PAN3: variants seen among roughly 807,000 people sequenced by gnomAD.
PAN3 encodes the protein PAN2-PAN3 deadenylation complex subunit PAN3.
Under a neutral mutation model 96.2 loss-of-function variants are expected in PAN3, and 19 were observed. The ratio of observed to expected loss-of-function variants is 0.20; its 90% confidence interval spans 0.14 to 0.29. The LOEUF is 0.29. PAN3 is among the 10% of genes least tolerant of loss of function. The pLI is 1.00. For missense variants in PAN3, 882 were observed against 1,108.1 expected, an observed-to-expected ratio of 0.80 and a Z score of 2.90; for synonymous variants, 433 against 406.6, an observed-to-expected ratio of 1.06 and a Z score of -0.78.
chr13:28,171,603 G>A (rs1434079238), intron 1 of PAN3, among the ~76,000 whole-genome samples: 1 of 152,174 alleles, frequency 6.6e-6, no homozygotes, highest in Non-Finnish European at 1.5e-5. Context: ...TGCTTGACTG[G>A]TTTATTACAA....
At chr13:28,196,207 C>CT in intron 4 of PAN3, among the ~76,000 whole-genome samples, 1 of 151,834 alleles carries the variant, frequency 6.6e-6, no homozygotes, top group Middle Eastern at 3.4e-3. Flanking sequence ...TTTCAGCAGT[C>CT]TTATACCTCA....
At chr13:28,212,081 G>T (rs1457034408) in intron 5 of PAN3, among the ~76,000 whole-genome samples, 1 of 152,208 alleles carries the variant, frequency 6.6e-6, no homozygotes, top group Non-Finnish European at 1.5e-5. Context: ...TAGCTGATGT[G>T]AATTCAGGAT....
At chr13:28,181,402 C>T (rs934586850) in intron 4 of PAN3, among the ~76,000 whole-genome samples, 4 of 145,824 alleles carry the variant, frequency 2.7e-5, no homozygotes, top group African/African-American at 5.1e-5. Flanking sequence ...CACAGCTACT[C>T]GGGAGGATGA....
chr13:28,196,242 A>G (rs1315459075), intron 4 of PAN3, among the ~76,000 whole-genome samples: 1 of 151,950 alleles, frequency 6.6e-6, no homozygotes, highest in Non-Finnish European at 1.5e-5. Context: ...GTAAACATAT[A>G]TTTTCTTATT....
intron 6 of PAN3, among the ~76,000 whole-genome samples, chr13:28,249,157 T>C (rs75036420): frequency 0.01 from 1,561 of 152,332 alleles, 25 homozygotes; most frequent in African/African-American, 0.035. Flanking sequence ...TATTTGTTTG[T>C]TTGTTATTTA....
At chr13:28,174,720 A>G (rs192262721) in intron 2 of PAN3, among the ~76,000 whole-genome samples, 145 of 152,318 alleles carry the variant, frequency 9.5e-4, no homozygotes, top group African/African-American at 3.3e-3. Flanking sequence ...CAGGTTATAC[A>G]TGTATTATAA....
chr13:28,263,299 G>T (rs759303659), intron 9 of PAN3, among the ~76,000 whole-genome samples: 15 of 152,292 alleles, frequency 9.8e-5, no homozygotes, highest in Non-Finnish European at 1.8e-4. Context: ...TGGGGGAAAA[G>T]AAAGCATTGG....
At chr13:28,154,533 C>T (rs779838719) in intron 1 of PAN3, among the ~76,000 whole-genome samples, 2 of 152,036 alleles carry the variant, frequency 1.3e-5, no homozygotes, top group Non-Finnish European at 2.9e-5. Flanking sequence ...TCACTCTTGT[C>T]GCCCAGGGTG....
chr13:28,282,341 T>TTG lies in PAN3; in HGVS notation c.2384+963_2384+964insGT, dbSNP rs33944731. Among the ~76,000 whole-genome samples the TTG allele has an allele frequency of 6.1e-3, 477 of 78,544 alleles. 1 individual carries two copies. The highest frequency in any genetic ancestry group is 0.052 in the African/African-American group (456 of 8,702). The allele number at this position is 78,544 out of a possible 152,430, so 51.5% of individuals were successfully genotyped here. A position where few individuals can be genotyped will look rare whatever the true frequency, so the allele number is the denominator to read the frequency against. ...ATAAATACTATTACTTGAGGGGTTGTTTTTTTTTTTTACCATGGAATTCAA... is the reference window on the plus strand; with the variant it reads ...ATAAATACTATTACTTGAGGGGTTGTTGTTTTTTTTTTTACCATGGAATTCAA... On this transcript the variant is annotated intron_variant, in intron 17 of 18. Coordinates refer to ENST00000380958, the MANE Select transcript of PAN3 (RefSeq NM_175854.8).
intron 17 of PAN3, among the ~76,000 whole-genome samples, chr13:28,284,354 G>A (rs1868698387): frequency 6.7e-6 from 1 of 150,328 alleles, no homozygotes. Flanking sequence ...TGATATATAA[G>A]AGCTAAAGAG....
rs777615272 is a variant in PAN3 at position 28,260,298 on chromosome 13, G to A, written c.1249-149G>A. ...GTAATCCCAGCTACGTGAGGCTGAG[G>A]CAGGAGAATCACTTGAACCCGGGAG... On this transcript the variant is annotated intron_variant, in intron 7 of 18. Coordinates refer to ENST00000380958, the MANE Select transcript of PAN3 (RefSeq NM_175854.8). 3 of 521,940 alleles carry A rather than the reference G, an allele frequency of 5.7e-6. No individual in the cohort carries two copies. The South Asian group carries it at 6.0e-5, about 10-fold the overall frequency. The allele number at this position is 521,940 out of a possible 1,614,324, so 32.3% of individuals were successfully genotyped here. A position where few individuals can be genotyped will look rare whatever the true frequency, so the allele number is the denominator to read the frequency against.
intron 5 of PAN3, among the ~76,000 whole-genome samples, chr13:28,204,104 C>T (rs772626798): frequency 8.5e-5 from 13 of 152,264 alleles, no homozygotes; most frequent in African/African-American, 2.4e-4. Context: ...CGACCACGCC[C>T]GACCAGCTTC....
At position 28,209,365 on chromosome 13, in the gene PAN3, C is replaced by T. The variant is rs532441784; in HGVS notation, c.853-10866C>T. On this transcript the variant is annotated intron_variant, in intron 5 of 18. Transcript: ENST00000380958. Reference sequence around the variant, plus strand: ...ATGTTTTTACACACCTGCGTGCATACGCATTCCCCCATTCCCTCTCAGGCA... The same window carrying T: ...ATGTTTTTACACACCTGCGTGCATATGCATTCCCCCATTCCCTCTCAGGCA... 2.6e-4 allele frequency among the ~76,000 whole-genome samples: 40 copies of T among 152,324 alleles called. No homozygotes were observed. In the South Asian group the frequency reaches 3.1e-3, roughly 12 times the overall value.
At chr13:28,159,017 A>G (rs1332568431) in intron 1 of PAN3, among the ~76,000 whole-genome samples, 3 of 152,192 alleles carry the variant, frequency 2.0e-5, no homozygotes, top group African/African-American at 4.8e-5. Context: ...AGAAAAGGGA[A>G]CACTTCTACA....
chr13:28,228,760 G>A (rs1392658502), intron 6 of PAN3, among the ~76,000 whole-genome samples: 2 of 152,024 alleles, frequency 1.3e-5, no homozygotes, highest in Non-Finnish European at 2.9e-5. Context: ...TTCATCAGCT[G>A]CTCTCTCCGC....
chr13:28,207,953 CTT>C (rs1483120962), intron 5 of PAN3, among the ~76,000 whole-genome samples: 1 of 152,054 alleles, frequency 6.6e-6, no homozygotes, highest in Non-Finnish European at 1.5e-5. Context: ...TGCACAGTGT[CTT>C]TTATATATTA....
At position 28,270,823 on chromosome 13, in the gene PAN3, C is replaced by A; in HGVS notation, c.1915C>A (p.Arg639=). 6.2e-7 allele frequency: 1 copy of A among 1,613,758 alleles called. No individual in the cohort carries two copies. Residue 639 remains arginine, a synonymous_variant, in exon 13 of 19, where the codon CGA becomes AGA. Transcript: ENST00000380958. Reference sequence around the variant, plus strand: ...CATTCATACAGCAGGTTTGGCATGTCGAGTTATGGATCCAACAAAGATTCT... The same window carrying A: ...CATTCATACAGCAGGTTTGGCATGTAGAGTTATGGATCCAACAAAGATTCT... ...RTIHTAGLAC[R]VMDPTKILIT...
intron 1 of PAN3, among the ~76,000 whole-genome samples, chr13:28,142,794 T>A (rs1000171550): frequency 2.6e-5 from 4 of 152,210 alleles, no homozygotes; most frequent in African/African-American, 9.6e-5. Flanking sequence ...TAAGGATGTC[T>A]CTTACCTGTG....
Position 28,138,587 on chromosome 13 carries a change from C to T in PAN3, c.-71C>T. 2 of 385,912 alleles carry T rather than the reference C, an allele frequency of 5.2e-6. No individual in the cohort carries two copies. Among genetic ancestry groups the T allele is most frequent in the Non-Finnish European group, 4.4e-6 (1 of 225,740 alleles). 23.9% of individuals were successfully genotyped at this position (385,912 alleles called of 1,614,324 possible). A position where few individuals can be genotyped will look rare whatever the true frequency, so the allele number is the denominator to read the frequency against. ...TCCGGCACCGGCAGCGTCTTCCTTTCCTCCCCCGTCTATGGTGGTGGCGGC... is the reference window on the plus strand; with the variant it reads ...TCCGGCACCGGCAGCGTCTTCCTTTTCTCCCCCGTCTATGGTGGTGGCGGC... On this transcript the variant is annotated 5_prime_UTR_variant, in exon 1 of 19. Coordinates refer to ENST00000380958, the MANE Select transcript of PAN3 (RefSeq NM_175854.8).
Sources: gnomAD v4.1 joint callset for allele counts (sites outside exome capture counted in the v4.1 genomes callset) on GRCh38, gnomAD v4.1.1 for gene constraint, MANE v1.5 for transcripts, NCBI Gene and HGNC (gene_info 2026-07-23, HGNC 2026-07-21) for gene names.